The following PXDC1 variants were observed in gnomAD, a reference collection of about 807,000 sequenced individuals.
PXDC1 encodes PX domain-containing protein 1.
In PXDC1, 13 loss-of-function variants were observed where a neutral mutation model predicts 24.4. The ratio of observed to expected loss-of-function variants is 0.53; its 90% confidence interval spans 0.35 to 0.85. PXDC1 has a LOEUF of 0.85. Among genes scored for constraint, PXDC1 ranks in the 40% least tolerant of loss-of-function variants. The pLI, the probability that PXDC1 is intolerant of heterozygous loss-of-function variation, is 0.01. For synonymous variants in PXDC1, 162 were observed against 124.9 expected (o/e 1.30, Z -1.98); for missense variants, 344 against 309.3 (o/e 1.11, Z -0.84).
chr6:3,744,190 C>T (rs1760512560), intron 1 of PXDC1, among the ~76,000 whole-genome samples: 1 of 152,210 alleles, frequency 6.6e-6, no homozygotes, highest in Non-Finnish European at 1.5e-5. Flanking sequence ...AACAGCCATC[C>T]ACTTAGCCAG....
rs1312508369 is a variant in PXDC1 at position 3,725,549 on chromosome 6, TCTGCTGTGGGGGCC to T, written c.579-1827_579-1814del. Among the ~76,000 whole-genome samples the T allele has an allele frequency of 6.6e-6, 1 of 152,184 alleles. No homozygotes were observed. The highest frequency in any genetic ancestry group is 1.5e-5 in the Non-Finnish European group (1 of 68,006). The stretch of plus-strand genomic sequence containing the variant: ...CAGACTCGGGGCAGCCTGCTGAGAC[TCTGCTGTGGGGGCC>T]CTGCTGTGGGCCCGGCGGCACTGGG... On this transcript the variant is annotated intron_variant, in intron 4 of 4. Coordinates refer to ENST00000380283, the MANE Select transcript of PXDC1 (RefSeq NM_183373.4). This position sits in a 1 kb window ranked among gnomAD's most constrained non-coding sequence, Gnocchi z 4.8.
chr6:3,739,609 C>T (rs1760408976), intron 1 of PXDC1, among the ~76,000 whole-genome samples: 1 of 152,222 alleles, frequency 6.6e-6, no homozygotes, highest in Non-Finnish European at 1.5e-5. Context: ...GATGCCCTGG[C>T]CGTCACCAGA....
intron 1 of PXDC1, among the ~76,000 whole-genome samples, chr6:3,745,018 C>T (rs189726348): frequency 6.6e-6 from 1 of 152,216 alleles, no homozygotes. Context: ...TAGGATCAGG[C>T]CTAGATCTTA....
At chr6:3,723,952 C>A (rs1759999007) in intron 4 of PXDC1, among the ~76,000 whole-genome samples, 1 of 152,224 alleles carries the variant, frequency 6.6e-6, no homozygotes. Context: ...GCTTAGACAA[C>A]CCTTAGCGAG....
chr6:3,746,957 G>A (rs553732688), intron 1 of PXDC1, among the ~76,000 whole-genome samples: 1 of 152,118 alleles, frequency 6.6e-6, no homozygotes, highest in Non-Finnish European at 1.5e-5. Flanking sequence ...CCTGGTACTC[G>A]GATCTCAAAT....
In PXDC1 at chr6:3,738,037, C is replaced by T. The variant is rs79310232; in HGVS notation, c.348+20G>A. On this transcript the variant is annotated intron_variant, in intron 2 of 4. Transcript: ENST00000380283. The stretch of plus-strand genomic sequence containing the variant: ...GCACCTCCCACCTCCCTGCCCAGCC[C>T]GGGGCCTGGCCACACTCACTTTACA... 15 of 1,538,170 alleles carry T rather than the reference C, an allele frequency of 9.8e-6. No homozygotes were observed. In the East Asian group the frequency reaches 1.8e-4, roughly 19 times the overall value.
chr6:3,731,940 G>C (rs1483556010), intron 3 of PXDC1, among the ~76,000 whole-genome samples: 2 of 152,234 alleles, frequency 1.3e-5, no homozygotes, highest in Non-Finnish European at 2.9e-5. Context: ...GGCTGCTGTG[G>C]AGTGCCTGGT....
Position 3,724,856 on chromosome 6 carries a change from G to C in PXDC1, c.579-1120C>G, listed in dbSNP as rs1477259950. 2.0e-5 allele frequency among the ~76,000 whole-genome samples: 3 copies of C among 152,224 alleles called. No homozygotes were observed. Among genetic ancestry groups the C allele is most frequent in the African/African-American group, 4.8e-5 (2 of 41,452 alleles). On this transcript the variant is annotated intron_variant, in intron 4 of 4. Coordinates refer to ENST00000380283, the MANE Select transcript of PXDC1 (RefSeq NM_183373.4). The surrounding 1 kb of genome is among the most constrained non-coding windows in gnomAD (Gnocchi z 4.5). ...CGTGCGAATCCCGCTGACCTCAAGG[G>C]ACAGGGCTGTGAAGACAGCTTTAAG...
intron 1 of PXDC1, chr6:3,738,862 TTCCCA>T: frequency 1.5e-6 from 2 of 1,303,260 alleles, no homozygotes; most frequent in Non-Finnish European, 2.0e-6. Flanking sequence ...AGCAGAAGTC[TTCCCA>T]TCACAGGTTC....
In PXDC1 at chr6:3,737,644, G is replaced by A. The variant is rs761401206; in HGVS notation, c.348+413C>T. 27 of 985,118 alleles carry A rather than the reference G, an allele frequency of 2.7e-5. No homozygotes were observed. The highest frequency in any genetic ancestry group is 2.5e-5 in the Non-Finnish European group (21 of 829,784). The allele number at this position is 985,118 out of a possible 1,614,324, so 61.0% of individuals were successfully genotyped here. A position where few individuals can be genotyped will look rare whatever the true frequency, so the allele number is the denominator to read the frequency against. Reference sequence around the variant, plus strand: ...GGAAAGGGAGTTGACGGTCAAATCCGGGCAACGTGCCCCGCTGTGCTGACG... The same window carrying A: ...GGAAAGGGAGTTGACGGTCAAATCCAGGCAACGTGCCCCGCTGTGCTGACG... On this transcript the variant is annotated intron_variant, in intron 2 of 4. Transcript: ENST00000380283. The surrounding 1 kb of genome is among the most constrained non-coding windows in gnomAD (Gnocchi z 5.5).
rs778721216 is a variant in PXDC1, at chr6:3,725,618, C to T, written c.579-1882G>A. Among the ~76,000 whole-genome samples the T allele has an allele frequency of 6.6e-6, 1 of 152,228 alleles. No homozygotes were observed. Among genetic ancestry groups the T allele is most frequent in the African/African-American group, 2.4e-5 (1 of 41,472 alleles). On this transcript the variant is annotated intron_variant, in intron 4 of 4. Coordinates refer to ENST00000380283, the MANE Select transcript of PXDC1 (RefSeq NM_183373.4). This position sits in a 1 kb window ranked among gnomAD's most constrained non-coding sequence, Gnocchi z 4.8. ...CAGGCTCGGGCCAGACAATCAGCCT[C>T]GGGTGCCAGGGAGGACAGCCACGCA...
chr6:3,734,719 C>T lies in PXDC1; in HGVS notation c.466+2360G>A, dbSNP rs1406579045. On this transcript the variant is annotated intron_variant, in intron 3 of 4. Transcript: ENST00000380283. ...GGAGATATCAAAAGCAGCATACCAC[C>T]CAAAGTGATCTACAAATTCATCGCA... 2.6e-5 allele frequency among the ~76,000 whole-genome samples: 4 copies of T among 152,104 alleles called. No individual in the cohort carries two copies. In the East Asian group the frequency reaches 7.7e-4, roughly 29 times the overall value.
At position 3,738,499 on chromosome 6, in the gene PXDC1, C is replaced by T. The variant is rs150290270; in HGVS notation, c.257-351G>A. On this transcript the variant is annotated intron_variant, in intron 1 of 4. Transcript: ENST00000380283. ...CCCAGGGCGAATCAGGCCCCACCAG[C>T]GTGGTGGCTACAGTCAGGGGTGCTG... is the stretch of plus-strand genomic sequence containing the variant. Among the ~76,000 whole-genome samples the T allele has an allele frequency of 3.5e-3, 528 of 152,318 alleles. 2 individuals are homozygous for T. The highest frequency in any genetic ancestry group is 0.01 in the Middle Eastern group (3 of 294).
At chr6:3,742,557 T>C (rs979657233) in intron 1 of PXDC1, among the ~76,000 whole-genome samples, 1 of 152,196 alleles carries the variant, frequency 6.6e-6, no homozygotes, top group Non-Finnish European at 1.5e-5. Context: ...CTTTCAGGAC[T>C]GACCAGCAGG....
rs747039054 is a variant in PXDC1, at chr6:3,723,577, T to C, written c.*42A>G. ...CCAGCACAGTGGACAGCATCAGAGCTGGCAGTGAACAGCTGAGGCGGGGGA... is the reference window on the plus strand; with the variant it reads ...CCAGCACAGTGGACAGCATCAGAGCCGGCAGTGAACAGCTGAGGCGGGGGA... On this transcript the variant is annotated 3_prime_UTR_variant, in exon 5 of 5. Coordinates refer to ENST00000380283, the MANE Select transcript of PXDC1 (RefSeq NM_183373.4). The C allele has an allele frequency of 1.4e-6, 2 of 1,429,834 alleles. No individual in the cohort carries two copies. Among genetic ancestry groups the C allele is most frequent in the Non-Finnish European group, 2.0e-6 (2 of 1,013,454 alleles). The allele number at this position is 1,429,834 out of a possible 1,614,324, so 88.6% of individuals were successfully genotyped here.
intron 1 of PXDC1, among the ~76,000 whole-genome samples, chr6:3,740,560 T>C (rs927870953): frequency 2.3e-4 from 35 of 152,334 alleles, no homozygotes; most frequent in Non-Finnish European, 2.8e-4. Context: ...TGGTCAGGCC[T>C]CTGGAAACCG....
intron 1 of PXDC1, among the ~76,000 whole-genome samples, chr6:3,741,104 T>C (rs1417025036): frequency 6.6e-6 from 1 of 152,232 alleles, no homozygotes; most frequent in Non-Finnish European, 1.5e-5. Flanking sequence ...CTCGGTCTTC[T>C]CGTCATCACC....
chr6:3,751,425 T>G lies in PXDC1; in HGVS notation c.107A>C (p.Glu36Ala). The G allele has an allele frequency of 1.3e-6, 2 of 1,586,282 alleles. No individual in the cohort carries two copies. The highest frequency in any genetic ancestry group is 8.6e-7 in the Non-Finnish European group (1 of 1,167,282). ...CTCCGTGCGGATCTCGAAGAACTCC[T>G]CTTCGTCGCCGCGCCGGCTGACGAT... ...RLIVSRRGDE[E>A]EFFEIRTEWS... The change falls in exon 1 of 5, where the codon GAG becomes GCG. Residue 36 changes from glutamate to alanine, a missense_variant. Glu to Ala is a moderately radical substitution (Grantham distance 107, BLOSUM62 -1). Transcript: ENST00000380283.
Position 3,727,606 on chromosome 6 carries a change from G to A in PXDC1, c.523C>T (p.His175Tyr). 1.2e-6 allele frequency: 2 copies of A among 1,613,844 alleles called. No homozygotes were observed. The highest frequency in any genetic ancestry group is 2.7e-5 in the African/African-American group (2 of 75,028). The change falls in exon 4 of 5, where the codon CAC becomes TAC. Residue 175 changes from histidine to tyrosine, a missense_variant. His to Tyr is a moderately conservative substitution (Grantham distance 83). Transcript: ENST00000380283. The stretch of plus-strand genomic sequence containing the variant: ...TGGTCTCTTCCATTTGGTATACTGT[G>A]GTCAATAACTATTGTTTCGGTATTT... The part of the protein sequence containing the change: ...LANTETIVID[H>Y]SIPNGRDQQL...
Sources: gnomAD v4.1 joint callset for allele counts (sites outside exome capture counted in the v4.1 genomes callset) on GRCh38, gnomAD v4.1.1 for gene constraint, Gnocchi (gnomAD v3.1) non-coding constraint, MANE v1.5 for transcripts, NCBI Gene and HGNC (gene_info 2026-07-23, HGNC 2026-07-21) for gene names.